LRP1B: variants seen among roughly 807,000 people sequenced by gnomAD.
LRP1B encodes the protein LDL receptor related protein 1B.
In LRP1B, 217 loss-of-function variants were observed where a neutral mutation model predicts 556.6. The ratio of observed to expected loss-of-function variants is 0.39; its 90% CI spans 0.35 to 0.44. The LOEUF (loss-of-function observed/expected upper bound fraction) is 0.44. Ranked by LOEUF, LRP1B falls within the 20% of genes least tolerant of loss-of-function variation. The pLI is 1.00. For missense variants in LRP1B, 5,053 were observed against 5,620.8 expected, an observed-to-expected ratio of 0.90 and a Z score of 3.23; for synonymous variants, 2,047 against 1,865.8, an observed-to-expected ratio of 1.10 and a Z score of -2.50.
At chr2:141,206,030 A>C (rs1682261677) in intron 6 of LRP1B, among the ~76,000 whole-genome samples, 1 of 152,086 alleles carries the variant, frequency 6.6e-6, no homozygotes, top group Non-Finnish European at 1.5e-5. Context: ...AAAATATGGG[A>C]GTCTTTTAAG....
chr2:140,752,472 T>G (rs10187216), intron 35 of LRP1B, among the ~76,000 whole-genome samples: 131,504 of 151,726 alleles, frequency 0.87, 57,683 homozygotes, highest in Non-Finnish European at 0.95. Flanking sequence ...TTACAGGCAC[T>G]TAACACTAAG....
intron 43 of LRP1B, among the ~76,000 whole-genome samples, chr2:140,544,363 A>T (rs796356762): frequency 3.9e-5 from 6 of 152,028 alleles, no homozygotes; most frequent in African/African-American, 1.4e-4. Flanking sequence ...CAAGTTTGTT[A>T]TACAGGTAAA....
intron 57 of LRP1B, 42 bp from the exon 58 acceptor site, chr2:140,487,781 A>G: frequency 1.5e-6 from 2 of 1,324,008 alleles, no homozygotes; most frequent in Non-Finnish European, 2.1e-6. Context: ...TAGTTCATAG[A>G]AATAATTATA....
chr2:141,991,328 T>C (rs912551215), intron 1 of LRP1B, among the ~76,000 whole-genome samples: 3 of 152,056 alleles, frequency 2.0e-5, no homozygotes, highest in African/African-American at 4.8e-5. Flanking sequence ...TTCACACTTA[T>C]GTCCAGCATA....
chr2:141,617,944 G>A (rs1559180571), intron 2 of LRP1B, among the ~76,000 whole-genome samples: 2 of 152,108 alleles, frequency 1.3e-5, no homozygotes, highest in Non-Finnish European at 2.9e-5. Flanking sequence ...TTTATTAGCA[G>A]TTTAATAGGA....
chr2:141,369,390 A>G (rs1219186187), intron 3 of LRP1B, among the ~76,000 whole-genome samples: 1 of 152,148 alleles, frequency 6.6e-6, no homozygotes, highest in African/African-American at 2.4e-5. Context: ...TGTTGTCTTC[A>G]TGAAGTTGAA....
chr2:141,847,795 A>G (rs909690882), intron 1 of LRP1B, among the ~76,000 whole-genome samples: 1 of 151,602 alleles, frequency 6.6e-6, no homozygotes, highest in Admixed American at 6.6e-5. Flanking sequence ...ATTTCCACCT[A>G]TGTGTGAAGG....
At chr2:141,097,779 A>T (rs1293724009) in intron 7 of LRP1B, among the ~76,000 whole-genome samples, 1 of 152,184 alleles carries the variant, frequency 6.6e-6, no homozygotes, top group South Asian at 2.1e-4. Context: ...GGCTTATATC[A>T]TACAAATTAT....
chr2:141,420,270 A>G (rs1171571125), intron 3 of LRP1B, among the ~76,000 whole-genome samples: 1 of 152,192 alleles, frequency 6.6e-6, no homozygotes, highest in Non-Finnish European at 1.5e-5. Context: ...GTCCTTATCT[A>G]TGAGACGGTG....
At chr2:141,805,025 C>A (rs1696125843) in intron 2 of LRP1B, among the ~76,000 whole-genome samples, 1 of 152,062 alleles carries the variant, frequency 6.6e-6, no homozygotes, top group Admixed American at 6.6e-5. Context: ...CTTTTCTTTA[C>A]TAGCAGAACC....
rs1224979450 is a variant in LRP1B at position 140,813,952 on chromosome 2, C to A, written c.5210-146G>T. On this transcript the variant is annotated intron_variant, in intron 31 of 90. Coordinates refer to ENST00000389484, the MANE Select transcript of LRP1B (RefSeq NM_018557.3). ...ATAAGATCTGGCTAATAGGGAAATA[C>A]ACATATGGTGTTTTGGGTTTTTTAT... 11 of 612,010 alleles carry A rather than the reference C, an allele frequency of 1.8e-5. No homozygotes were observed. The Admixed American group carries it at 1.9e-4, about 11-fold the overall frequency. The allele number at this position is 612,010 out of a possible 1,614,324, so 37.9% of individuals were successfully genotyped here.
chr2:140,367,616 C>G (rs1049612913), intron 71 of LRP1B, among the ~76,000 whole-genome samples: 2 of 151,744 alleles, frequency 1.3e-5, no homozygotes, highest in African/African-American at 2.4e-5. Flanking sequence ...CTGTCTCACT[C>G]TGAAAACAAT....
At chr2:141,901,375 T>G (rs1002718607) in intron 1 of LRP1B, among the ~76,000 whole-genome samples, 2 of 151,984 alleles carry the variant, frequency 1.3e-5, no homozygotes, top group Non-Finnish European at 2.9e-5. Flanking sequence ...ATTTTACAGT[T>G]TGCTGCAAAA....
At chr2:140,592,120 C>A (rs1016126091) in intron 43 of LRP1B, among the ~76,000 whole-genome samples, 3 of 152,014 alleles carry the variant, frequency 2.0e-5, no homozygotes, top group African/African-American at 7.2e-5. Context: ...TTCTATATAT[C>A]TCCTTTATAT....
At chr2:140,916,876 T>A (rs1235684694) in intron 21 of LRP1B, among the ~76,000 whole-genome samples, 1 of 152,190 alleles carries the variant, frequency 6.6e-6, no homozygotes, top group Non-Finnish European at 1.5e-5. Context: ...CAATATTACA[T>A]GCTATGCCCA....
chr2:141,312,175 T>C (rs1187823945), intron 3 of LRP1B, among the ~76,000 whole-genome samples: 1 of 152,164 alleles, frequency 6.6e-6, no homozygotes, highest in Non-Finnish European at 1.5e-5. Flanking sequence ...TGCTTCCTTT[T>C]CTACCTCCTC....
chr2:141,281,357 T>G (rs1188649669), intron 3 of LRP1B, among the ~76,000 whole-genome samples: 3 of 151,994 alleles, frequency 2.0e-5, no homozygotes, highest in African/African-American at 7.2e-5. Flanking sequence ...CTGTCTAGAT[T>G]ATAAAATAGA....
In LRP1B at chr2:141,544,307, C is replaced by CTTCTTCTTCTTCTTCTTCTTCTTCTT. The variant is rs1574063970; in HGVS notation, c.206-63800_206-63775dup. ...TAAGAAATTTACCACTCTTCTTCTT[C>CTTCTTCTTCTTCTTCTTCTTCTTCTT]TTCTTCTTCTTCTTCTTCTTCTTCT... On this transcript the variant is annotated intron_variant, in intron 2 of 90. Coordinates refer to ENST00000389484, the MANE Select transcript of LRP1B (RefSeq NM_018557.3). Among the ~76,000 whole-genome samples, 110 of 13,962 alleles carry CTTCTTCTTCTTCTTCTTCTTCTTCTT rather than the reference C, an allele frequency of 7.9e-3. 8 individuals are homozygous for CTTCTTCTTCTTCTTCTTCTTCTTCTT. The highest frequency in any genetic ancestry group is 0.028 in the Admixed American group (32 of 1,146). The allele number at this position is 13,962 out of a possible 152,430, so 9.2% of individuals were successfully genotyped here.
At chr2:140,705,755 C>A (rs1266159649) in intron 37 of LRP1B, among the ~76,000 whole-genome samples, 3 of 151,892 alleles carry the variant, frequency 2.0e-5, no homozygotes, top group Non-Finnish European at 4.4e-5. Context: ...TTACACAATT[C>A]TTTTCCTGTG....
Sources: gnomAD v4.1 joint callset for allele counts (sites outside exome capture counted in the v4.1 genomes callset) on GRCh38, gnomAD v4.1.1 for gene constraint, MANE v1.5 for transcripts, NCBI Gene and HGNC (gene_info 2026-07-23, HGNC 2026-07-21) for gene names.